The following GUCY1A2 variants were observed in gnomAD, a reference collection of about 807,000 sequenced individuals.
GUCY1A2 encodes the protein guanylate cyclase 1 soluble subunit alpha 2.
In GUCY1A2, 27 loss-of-function variants were observed where a neutral mutation model predicts 63.5. The observed-to-expected ratio is 0.43, with a 90% confidence interval of 0.31 to 0.59. The LOEUF (loss-of-function observed/expected upper bound fraction) is 0.59, where lower values mean the gene tolerates loss of function less well. GUCY1A2 is among the 20% of genes least tolerant of loss of function. The probability of loss-of-function intolerance (pLI) is 0.11; values close to 1 mark genes in which losing one functional copy is unlikely to be tolerated. For synonymous variants in GUCY1A2, 364 were observed against 343.5 expected (o/e 1.06, Z -0.66); for missense variants, 768 against 913.3 (o/e 0.84, Z 2.05).
chr11:107,015,631 C>T (rs757185999), intron 1 of GUCY1A2, among the ~76,000 whole-genome samples: 2 of 112,008 alleles, frequency 1.8e-5, no homozygotes, highest in African/African-American at 6.6e-5. Flanking sequence ...TCTCCCCAAA[C>T]TAATCATTAT....
chr11:106,941,431 A>T (rs139535270), intron 3 of GUCY1A2, among the ~76,000 whole-genome samples: 198 of 152,356 alleles, frequency 1.3e-3, no homozygotes, highest in African/African-American at 4.6e-3. Context: ...TTTGGCCTGC[A>T]TATTAAAGAC....
intron 4 of GUCY1A2, among the ~76,000 whole-genome samples, chr11:106,846,207 TA>T (rs61628035): frequency 0.21 from 31,214 of 151,474 alleles, 3,225 homozygotes; most frequent in Non-Finnish European, 0.22. Flanking sequence ...AATGTGAATA[TA>T]AACTACATCT....
In GUCY1A2 at chr11:106,936,564, T is replaced by C. The variant is rs1860679614; in HGVS notation, c.1206+2896A>G. 9 of 690,362 alleles carry C rather than the reference T, an allele frequency of 1.3e-5. No homozygotes were observed. The Admixed American group carries it at 1.7e-4, about 13-fold the overall frequency. The allele number at this position is 690,362 out of a possible 1,614,324, so 42.8% of individuals were successfully genotyped here. On this transcript the variant is annotated intron_variant, in intron 4 of 7. Coordinates refer to ENST00000526355, the MANE Select transcript of GUCY1A2 (RefSeq NM_000855.3). ...GGGAGAGAGAAGAATATGTGAGGCATGGATGATCACTTAGAGAAAATGTAG... is the reference window on the plus strand; with the variant it reads ...GGGAGAGAGAAGAATATGTGAGGCACGGATGATCACTTAGAGAAAATGTAG...
intron 6 of GUCY1A2, among the ~76,000 whole-genome samples, chr11:106,747,853 A>G (rs1344840809): frequency 6.6e-6 from 1 of 152,138 alleles, no homozygotes; most frequent in African/African-American, 2.4e-5. Flanking sequence ...GATCTGATGG[A>G]AAGTTATGGC....
intron 5 of GUCY1A2, among the ~76,000 whole-genome samples, chr11:106,794,616 T>A (rs67609203): frequency 2.6e-5 from 4 of 151,818 alleles, no homozygotes; most frequent in Non-Finnish European, 4.4e-5. Context: ...AATTGTCACA[T>A]TGTCAACCTT....
intron 4 of GUCY1A2, among the ~76,000 whole-genome samples, chr11:106,919,328 A>G (rs1203543581): frequency 6.6e-6 from 1 of 152,142 alleles, no homozygotes; most frequent in Non-Finnish European, 1.5e-5. Context: ...TATAGTTAAC[A>G]ATACTGTATT....
intron 6 of GUCY1A2, among the ~76,000 whole-genome samples, chr11:106,768,063 A>C (rs1864193607): frequency 6.6e-6 from 1 of 152,164 alleles, no homozygotes; most frequent in Non-Finnish European, 1.5e-5. Flanking sequence ...TACATCCCCC[A>C]CCCAATCTGG....
chr11:106,851,878 C>T (rs1223300451), intron 4 of GUCY1A2, among the ~76,000 whole-genome samples: 1 of 151,828 alleles, frequency 6.6e-6, no homozygotes, highest in Non-Finnish European at 1.5e-5. Flanking sequence ...TTTTCAAATT[C>T]TGTAAAGAAT....
In GUCY1A2 at chr11:106,939,754, G is replaced by A. The variant is rs763966532; in HGVS notation, c.912C>T (p.Asn304=). 17 of 1,613,866 alleles carry A rather than the reference G, an allele frequency of 1.1e-5. No individual in the cohort carries two copies. The East Asian group carries it at 3.8e-4, about 36-fold the overall frequency. ...GAACTTGGGAGGTTCCCTGTGGAAG[G>A]TTCTTCATGATATTAGTATTTTCAC... ...KECENTNIMK[N]LPQGTSQVPA... is the part of the protein sequence containing the mutation. Residue 304 remains asparagine (N), a synonymous_variant, in exon 4 of 8, where the codon AAC becomes AAT. Coordinates refer to ENST00000526355, the MANE Select transcript of GUCY1A2 (RefSeq NM_000855.3).
chr11:106,705,023 T>A (rs1862884124), intron 7 of GUCY1A2, among the ~76,000 whole-genome samples: 1 of 151,926 alleles, frequency 6.6e-6, no homozygotes, highest in African/African-American at 2.4e-5. Flanking sequence ...TGTAAACACA[T>A]TTATTGAAGA....
intron 5 of GUCY1A2, 35 bp downstream of exon 5, chr11:106,809,958 A>C (rs747547637): frequency 7.3e-7 from 1 of 1,376,152 alleles, no homozygotes; most frequent in Non-Finnish European, 1.0e-6. Context: ...TTACTATTAA[A>C]AAACATTTAT....
chr11:106,933,799 C>T (rs1421650985), intron 4 of GUCY1A2, among the ~76,000 whole-genome samples: 2 of 151,996 alleles, frequency 1.3e-5, no homozygotes, highest in East Asian at 3.9e-4. Context: ...AGCTATGCAG[C>T]CATAAAAAAA....
chr11:106,835,914 AT>A (rs952714046), intron 4 of GUCY1A2, among the ~76,000 whole-genome samples: 1 of 152,000 alleles, frequency 6.6e-6, no homozygotes, highest in African/African-American at 2.4e-5. Flanking sequence ...GATTAAAAAA[AT>A]AGGAAACAAA....
rs117111766 is a variant in GUCY1A2, at chr11:106,954,054, A to T, written c.488-13876T>A. 2.7e-3 allele frequency among the ~76,000 whole-genome samples: 417 copies of T among 151,960 alleles called. 12 individuals carry two copies. In the East Asian group the frequency reaches 0.048, roughly 17 times the overall value. On this transcript the variant is annotated intron_variant, in intron 3 of 7. Coordinates refer to ENST00000526355, the MANE Select transcript of GUCY1A2 (RefSeq NM_000855.3). ...TCTTAGTTATCTCTTGTCTTCTGCT[A>T]CCTTTTGGATTAGTTTGTTCTTGCC...
chr11:106,970,286 G>A (rs1861177181), intron 3 of GUCY1A2, among the ~76,000 whole-genome samples: 1 of 152,148 alleles, frequency 6.6e-6, no homozygotes, highest in Non-Finnish European at 1.5e-5. Context: ...GTGAATAAAT[G>A]CTGAATAACT....
intron 6 of GUCY1A2, among the ~76,000 whole-genome samples, chr11:106,726,161 T>C (rs1863404061): frequency 6.6e-6 from 1 of 152,164 alleles, no homozygotes; most frequent in Non-Finnish European, 1.5e-5. Flanking sequence ...ACGCCTGTAA[T>C]CCCAGCAATT....
chr11:106,759,785 A>C (rs527398839), intron 6 of GUCY1A2, among the ~76,000 whole-genome samples: 10 of 152,272 alleles, frequency 6.6e-5, no homozygotes, highest in African/African-American at 2.4e-4. Context: ...AATACCAAAA[A>C]TTAGCCAGTC....
intron 3 of GUCY1A2, among the ~76,000 whole-genome samples, chr11:106,956,860 G>C (rs915051254): frequency 5.9e-5 from 9 of 152,296 alleles, no homozygotes; most frequent in Admixed American, 5.9e-4. Context: ...GAGCTGCCTG[G>C]ATTTCTCAGA....
chr11:106,856,573 A>T (rs1207759442), intron 4 of GUCY1A2, among the ~76,000 whole-genome samples: 1 of 152,190 alleles, frequency 6.6e-6, no homozygotes, highest in Non-Finnish European at 1.5e-5. Flanking sequence ...CTGTAACTAG[A>T]AAGTTTCATT....
Sources: allele counts gnomAD v4.1 joint callset (sites outside exome capture counted in the v4.1 genomes callset), GRCh38; gene constraint gnomAD v4.1.1; transcripts MANE v1.5; gene names NCBI Gene and HGNC (gene_info 2026-07-23, HGNC 2026-07-21).